TSPAN16: variants seen among roughly 807,000 people sequenced by gnomAD.
TSPAN16 encodes the protein tetraspanin 16.
A neutral mutation model predicts 25.2 loss-of-function variants in TSPAN16; 23 were observed. That is an observed-to-expected ratio of 0.91 (90% CI 0.66 to 1.29). The LOEUF is 1.29. TSPAN16 is among the 50% of genes most tolerant of loss of function. TSPAN16 has a pLI of 0.00. For synonymous variants in TSPAN16, 123 were observed against 124.4 expected, an observed-to-expected ratio of 0.99 and a Z score of 0.08; for missense variants, 272 against 299.9, an observed-to-expected ratio of 0.91 and a Z score of 0.69.
At chr19:11,326,785 C>A in intron 6 of TSPAN16, 1 of 693,714 alleles carries the variant, frequency 1.4e-6, no homozygotes, top group South Asian at 1.5e-5. Context: ...TCAATTTTTT[C>A]TTTTGTAGAG....
chr19:11,297,856 G>A, intron 1 of TSPAN16, among the ~76,000 whole-genome samples: 1 of 152,040 alleles, frequency 6.6e-6, no homozygotes. Flanking sequence ...CAGTGGCACA[G>A]TCATAGCTCA....
At chr19:11,322,430 CA>C (rs1473372675) in intron 6 of TSPAN16, 3 of 152,020 alleles carry the variant, frequency 2.0e-5, no homozygotes, top group Middle Eastern at 3.4e-3. Flanking sequence ...AAAATAAACA[CA>C]AGCTGCTAAA....
chr19:11,316,277 C>A (rs553731323), downstream of TSPAN16, among the ~76,000 whole-genome samples: 6 of 152,126 alleles, frequency 3.9e-5, no homozygotes, highest in South Asian at 1.2e-3. Flanking sequence ...CGCTACCATG[C>A]CCAGCTAATT....
rs10409852 is a variant in TSPAN16 at position 11,301,234 on chromosome 19, A to G, written c.376A>G (p.Thr126Ala). The change falls in exon 4 of 7, where the codon ACC becomes GCC. Residue 126 changes from threonine (T) to alanine (A), a missense_variant. Physicochemically the swap from Thr to Ala is moderately conservative, Grantham distance 58 (BLOSUM62 0). Coordinates refer to ENST00000590327, the MANE Select transcript of TSPAN16 (RefSeq NM_001282509.2). ...TGTGGCCTTGGAACACACCTTCGTG[A>G]CCCTGAGGAAGAATTACAGAGGTTA... is the stretch of plus-strand genomic sequence containing the variant. ...GDVALEHTFV[T>A]LRKNYRGYNE... The G allele has an allele frequency of 1.7e-4, 274 of 1,613,916 alleles. 1 individual carries two copies. In the African/African-American group the frequency reaches 3.3e-3, roughly 20 times the overall value.
intron 6 of TSPAN16, among the ~76,000 whole-genome samples, chr19:11,313,058 A>G (rs2080710173): frequency 6.6e-6 from 1 of 152,182 alleles, no homozygotes; most frequent in African/African-American, 2.4e-5. Context: ...ACTTCCCACA[A>G]AGAAAATATC....
chr19:11,302,790 C>T (rs967142448), intron 4 of TSPAN16, among the ~76,000 whole-genome samples: 9 of 151,228 alleles, frequency 6.0e-5, no homozygotes, highest in Non-Finnish European at 1.3e-4. Flanking sequence ...GGGATCATGG[C>T]TCACTGCAAC....
intron 4 of TSPAN16, among the ~76,000 whole-genome samples, chr19:11,305,351 G>A (rs1038761151): frequency 6.6e-6 from 1 of 151,084 alleles, no homozygotes; most frequent in African/African-American, 2.4e-5. Context: ...CCAACATAGC[G>A]AAACCCCGTC....
chr19:11,301,273 G>A lies in TSPAN16; in HGVS notation c.415G>A (p.Asp139Asn), dbSNP rs772761633. 4 of 1,613,764 alleles carry A rather than the reference G, an allele frequency of 2.5e-6. No individual in the cohort carries two copies. Among genetic ancestry groups the A allele is most frequent in the East Asian group, 2.2e-5 (1 of 44,874 alleles). ...KNYRGYNEPDDYSTQWNLVME... is the reference protein window; with the variant it reads ...KNYRGYNEPDNYSTQWNLVME... ...TTACAGAGGTTACAACGAGCCAGAC[G>A]ACTATTCTACACAGTGGAACTTGGT... Residue 139 changes from aspartate (D) to asparagine (N), a missense_variant, in exon 4 of 7, where the codon GAC becomes AAC. Asp to Asn is a conservative substitution (Grantham distance 23). Coordinates refer to ENST00000590327, the MANE Select transcript of TSPAN16 (RefSeq NM_001282509.2).
At chr19:11,318,260 C>T (rs553293388), downstream of TSPAN16, among the ~76,000 whole-genome samples, 8 of 152,200 alleles carry the variant, frequency 5.3e-5, no homozygotes, top group African/African-American at 1.4e-4. Context: ...CTTCTGACCT[C>T]GTGATCCGCC....
At chr19:11,297,871 A>AGT (rs1026026011) in intron 1 of TSPAN16, among the ~76,000 whole-genome samples, 8 of 152,206 alleles carry the variant, frequency 5.3e-5, no homozygotes, top group Non-Finnish European at 1.2e-4. Flanking sequence ...AGCTCACTGC[A>AGT]GTCTCAACCT....
chr19:11,301,769 CT>C (rs2080552759), intron 4 of TSPAN16, among the ~76,000 whole-genome samples: 1 of 152,020 alleles, frequency 6.6e-6, no homozygotes, highest in South Asian at 2.1e-4. Flanking sequence ...CCACTGCACT[CT>C]AGCCTGGGTG....
chr19:11,311,946 G>A (rs905913931), intron 5 of TSPAN16, among the ~76,000 whole-genome samples, 193 bp from the exon 6 acceptor site: 1 of 152,150 alleles, frequency 6.6e-6, no homozygotes, highest in Non-Finnish European at 1.5e-5. Flanking sequence ...GAGGAGGACA[G>A]GGAAGATGCT....
chr19:11,319,073 A>G (rs2080763164), downstream of TSPAN16, among the ~76,000 whole-genome samples: 1 of 152,212 alleles, frequency 6.6e-6, no homozygotes, highest in Non-Finnish European at 1.5e-5. Flanking sequence ...CCAATTACCC[A>G]GAGTTGGTGT....
rs1001055003 is a variant in TSPAN16, at chr19:11,303,185, G to T, written c.450+1877G>T. Reference sequence around the variant, plus strand: ...GTCTGTGTAGAAAGAAGTAGACATGGGAGACTTTTCATTTTGTTCTGTACT... The same window carrying T: ...GTCTGTGTAGAAAGAAGTAGACATGTGAGACTTTTCATTTTGTTCTGTACT... On this transcript the variant is annotated intron_variant, in intron 4 of 6. Coordinates refer to ENST00000590327, the MANE Select transcript of TSPAN16 (RefSeq NM_001282509.2). Among the ~76,000 whole-genome samples the T allele has an allele frequency of 2.4e-4, 35 of 147,034 alleles. 3 individuals carry two copies. The highest frequency in any genetic ancestry group is 9.1e-4 in the African/African-American group (34 of 37,328).
intron 6 of TSPAN16, chr19:11,321,248 C>T (rs956966389): frequency 6.6e-6 from 1 of 151,838 alleles, no homozygotes; most frequent in South Asian, 2.1e-4. Context: ...GGGGAGGCCT[C>T]AGGAAATTTA....
chr19:11,325,725 C>G, intron 6 of TSPAN16: 1 of 728,478 alleles, frequency 1.4e-6, no homozygotes, highest in South Asian at 2.0e-5. Context: ...CTTTGCCACT[C>G]CAAGCCTCAG....
downstream of TSPAN16, among the ~76,000 whole-genome samples, chr19:11,320,676 A>G (rs868375617): frequency 8.5e-4 from 127 of 149,742 alleles, no homozygotes; most frequent in Middle Eastern, 7.0e-3. Context: ...TTGTCTCCAA[A>G]AAAAAAAAAA....
At chr19:11,325,469 A>G in intron 6 of TSPAN16, 1 of 1,612,604 alleles carries the variant, frequency 6.2e-7, no homozygotes, top group South Asian at 1.1e-5. Flanking sequence ...TTGCTGCCTG[A>G]GCTGGAGCTG....
At chr19:11,307,268 T>A (rs2080639636) in intron 5 of TSPAN16, among the ~76,000 whole-genome samples, 1 of 150,072 alleles carries the variant, frequency 6.7e-6, no homozygotes, top group South Asian at 2.1e-4. Flanking sequence ...TACAGGTGTG[T>A]GCCACCACGC....
Sources: allele counts gnomAD v4.1 joint callset (sites outside exome capture counted in the v4.1 genomes callset), GRCh38; gene constraint gnomAD v4.1.1; transcripts MANE v1.5; gene names NCBI Gene and HGNC (gene_info 2026-07-23, HGNC 2026-07-21).